The following FREM1 variants were observed in gnomAD, a reference collection of about 807,000 sequenced individuals.
FREM1 encodes FRAS1-related extracellular matrix protein 1.
Under a neutral mutation model 210.1 loss-of-function variants are expected in FREM1, and 220 were observed. The observed-to-expected ratio is 1.05, with a 90% CI of 0.94 to 1.17. The LOEUF (loss-of-function observed/expected upper bound fraction) is 1.17. Among genes scored for constraint, FREM1 ranks in the 50% most tolerant of loss-of-function variants. FREM1 has a pLI of 0.00. For missense variants in FREM1, 3,454 were observed against 2,675.5 expected (o/e 1.29, Z -6.42); for synonymous variants, 1,189 against 980.2 (o/e 1.21, Z -3.98).
chr9:14,880,873 G>A (rs548213510), intron 1 of FREM1, among the ~76,000 whole-genome samples: 22 of 152,214 alleles, frequency 1.4e-4, no homozygotes, highest in African/African-American at 4.6e-4. Flanking sequence ...TTGCTTAACC[G>A]AAAATAAATT....
chr9:14,822,064 A>G (rs541099287), intron 13 of FREM1, among the ~76,000 whole-genome samples: 8 of 152,050 alleles, frequency 5.3e-5, no homozygotes, highest in African/African-American at 1.7e-4. Flanking sequence ...ATCTCACAAG[A>G]TCTGATGGTT....
chr9:14,898,844 A>G (rs1005393361), intron 1 of FREM1, among the ~76,000 whole-genome samples: 2 of 152,240 alleles, frequency 1.3e-5, no homozygotes, highest in Admixed American at 6.5e-5. Context: ...TAACAAATGC[A>G]CGACACTAAT....
chr9:14,865,740 G>GGAAC (rs1253009137), intron 2 of FREM1, among the ~76,000 whole-genome samples: 2 of 150,458 alleles, frequency 1.3e-5, no homozygotes, highest in Admixed American at 1.3e-4. Flanking sequence ...AACTCCATAA[G>GGAAC]GAACGAACCC....
At chr9:14,904,475 C>T (rs914414812) in intron 1 of FREM1, among the ~76,000 whole-genome samples, 1 of 152,098 alleles carries the variant, frequency 6.6e-6, no homozygotes, top group African/African-American at 2.4e-5. Flanking sequence ...AATTGTGTAA[C>T]TCTACATTTC....
rs150477027 is a variant in FREM1, at chr9:14,879,262, C to T, written c.-267-10018G>A. On this transcript the variant is annotated intron_variant, in intron 1 of 36. Transcript: ENST00000380880. ...GAGAATCTGTCACAAAAAGGCACAT[C>T]ATCCTGGGATATATGGAAAAAGTCC... Among the ~76,000 whole-genome samples the T allele has an allele frequency of 2.6e-5, 4 of 151,922 alleles. No homozygotes were observed. In the East Asian group the frequency reaches 5.8e-4, roughly 22 times the overall value.
At chr9:14,820,482 G>T (rs1821091273) in intron 13 of FREM1, among the ~76,000 whole-genome samples, 1 of 152,196 alleles carries the variant, frequency 6.6e-6, no homozygotes, top group Admixed American at 6.5e-5. Flanking sequence ...TGAAGAAAGA[G>T]CTGGTAAAGG....
At chr9:14,758,729 A>G (rs1161251268) in intron 28 of FREM1, among the ~76,000 whole-genome samples, 1 of 152,108 alleles carries the variant, frequency 6.6e-6, no homozygotes, top group Non-Finnish European at 1.5e-5. Context: ...ATTAGTGTGT[A>G]CAAGTGTTTC....
intron 8 of FREM1, among the ~76,000 whole-genome samples, chr9:14,845,444 A>G (rs1019683995): frequency 1.3e-5 from 2 of 152,080 alleles, no homozygotes; most frequent in Non-Finnish European, 2.9e-5. Context: ...AGTTGGGACT[A>G]CAGGCGCCCG....
chr9:14,792,981 A>T, intron 21 of FREM1, 97 bp from the exon 22 acceptor site: 1 of 716,756 alleles, frequency 1.4e-6, no homozygotes, highest in Non-Finnish European at 2.2e-6. Context: ...AATCTTCAAC[A>T]ATTAAGGAAT....
chr9:14,885,303 T>A (rs1466601915), intron 1 of FREM1, among the ~76,000 whole-genome samples: 1 of 152,184 alleles, frequency 6.6e-6, no homozygotes, highest in African/African-American at 2.4e-5. Context: ...CAATGGAACA[T>A]TTTTGTCTTC....
At chr9:14,753,298 A>G (rs1843707683) in intron 29 of FREM1, among the ~76,000 whole-genome samples, 1 of 152,214 alleles carries the variant, frequency 6.6e-6, no homozygotes, top group African/African-American at 2.4e-5. Context: ...ACATTTTCTC[A>G]ATATTTTTTA....
chr9:14,838,251 T>C (rs1824988083), intron 10 of FREM1, among the ~76,000 whole-genome samples: 1 of 152,184 alleles, frequency 6.6e-6, no homozygotes, highest in Non-Finnish European at 1.5e-5. Flanking sequence ...AACAAAACCA[T>C]GGAATATTCT....
chr9:14,746,827 C>G (rs542384549), intron 34 of FREM1, 96 bp downstream of exon 34: 2 of 1,387,504 alleles, frequency 1.4e-6, no homozygotes, highest in Admixed American at 2.7e-5. Flanking sequence ...GAAGATGTAG[C>G]ATGGGTTGAG....
intron 25 of FREM1, among the ~76,000 whole-genome samples, chr9:14,772,229 T>C (rs1032003897): frequency 5.3e-5 from 8 of 152,130 alleles, no homozygotes; most frequent in Admixed American, 2.0e-4. Context: ...GAAACAGATA[T>C]GTATGCAAAA....
intron 28 of FREM1, among the ~76,000 whole-genome samples, chr9:14,756,722 A>G (rs1236683439): frequency 6.6e-6 from 1 of 152,222 alleles, no homozygotes; most frequent in Admixed American, 6.5e-5. Context: ...AGAAAGGAAC[A>G]TGAATTTTAA....
rs1178179277 is a variant in FREM1, at chr9:14,789,115, C to G, written c.3982-1G>C. On this transcript the variant is annotated splice_acceptor_variant, in intron 22 of 36. Coordinates refer to ENST00000380880, the MANE Select transcript of FREM1 (RefSeq NM_001379081.2). LOFTEE classifies it high-confidence loss of function. ...AGAGAGGAACCCAGTCCCTCCCTAT[C>G]TGGAAGGAGCCAGAGTTAGTCAGCT... 3.8e-6 allele frequency: 6 copies of G among 1,575,882 alleles called. No individual in the cohort carries two copies. The highest frequency in any genetic ancestry group is 3.5e-6 in the Non-Finnish European group (4 of 1,159,044).
chr9:14,905,852 C>G (rs898798541), intron 1 of FREM1, among the ~76,000 whole-genome samples: 4 of 151,956 alleles, frequency 2.6e-5, no homozygotes, highest in Admixed American at 6.6e-5. Context: ...GATCACGCCA[C>G]TGCACTGCAG....
chr9:14,855,680 T>C (rs1828603446), intron 5 of FREM1, among the ~76,000 whole-genome samples: 2 of 152,188 alleles, frequency 1.3e-5, no homozygotes, highest in African/African-American at 4.8e-5. Context: ...GCAGTGAGCC[T>C]ATTACTTTTA....
At chr9:14,852,608 C>A (rs1001554717) in intron 5 of FREM1, among the ~76,000 whole-genome samples, 85 of 152,200 alleles carry the variant, frequency 5.6e-4, no homozygotes, top group Non-Finnish European at 1.0e-3. Context: ...GCAGGAAGAT[C>A]ACTTGAGCCC....
Sources: gnomAD v4.1 joint callset for allele counts (sites outside exome capture counted in the v4.1 genomes callset) on GRCh38, gnomAD v4.1.1 for gene constraint, MANE v1.5 for transcripts, NCBI Gene and HGNC (gene_info 2026-07-23, HGNC 2026-07-21) for gene names.